Variants in PTPN3 observed in about 807,000 individuals in gnomAD.
PTPN3 encodes tyrosine-protein phosphatase non-receptor type 3.
Under a neutral mutation model 132.7 loss-of-function variants are expected in PTPN3, and 96 were observed. The ratio of observed to expected loss-of-function variants is 0.72; its 90% CI spans 0.61 to 0.86. PTPN3 has a LOEUF of 0.86. Among genes scored for constraint, PTPN3 ranks in the 40% least tolerant of loss-of-function variants. PTPN3 has a pLI of 0.00. For missense variants in PTPN3, 1,125 were observed against 1,159.6 expected (o/e 0.97, Z 0.43); for synonymous variants, 398 against 429.0 (o/e 0.93, Z 0.89).
intron 22 of PTPN3, among the ~76,000 whole-genome samples, chr9:109,384,964 T>G (rs937023479): frequency 6.6e-6 from 1 of 152,110 alleles, no homozygotes; most frequent in Admixed American, 6.5e-5. Context: ...CAAGGCAGAG[T>G]TGACAGACAC....
chr9:109,500,920 T>G (rs1052150323), upstream of PTPN3, among the ~76,000 whole-genome samples: 1 of 148,086 alleles, frequency 6.8e-6, no homozygotes, highest in African/African-American at 2.5e-5. Flanking sequence ...AGAGCGAGAT[T>G]CTGTCTCAAA....
At chr9:109,505,697 C>T in the PTPN3 span, among the ~76,000 whole-genome samples, 3 of 151,908 alleles carry the variant, frequency 2.0e-5, no homozygotes, top group Non-Finnish European at 2.9e-5. Flanking sequence ...TACTAATGGT[C>T]TTCTAGGTAT....
chr9:109,435,779 T>C (rs1564439221), intron 9 of PTPN3, among the ~76,000 whole-genome samples: 1 of 152,076 alleles, frequency 6.6e-6, no homozygotes, highest in African/African-American at 2.4e-5. Flanking sequence ...AAACATTCTA[T>C]CTAAGATAAA....
At chr9:109,381,375 C>T (rs139396254) in intron 25 of PTPN3, among the ~76,000 whole-genome samples, 20 of 152,212 alleles carry the variant, frequency 1.3e-4, no homozygotes, top group East Asian at 3.9e-4. Context: ...TGGGTCGGTG[C>T]GGGGGAGGAT....
chr9:109,527,433 C>T, the PTPN3 span, among the ~76,000 whole-genome samples: 2 of 152,060 alleles, frequency 1.3e-5, no homozygotes, highest in Non-Finnish European at 2.9e-5. Flanking sequence ...TGCACTCCAG[C>T]TTGGATAACG....
chr9:109,510,488 G>A, the PTPN3 span, among the ~76,000 whole-genome samples: 2 of 149,274 alleles, frequency 1.3e-5, no homozygotes, highest in African/African-American at 4.9e-5. Context: ...AACCCCGGAG[G>A]CAGAGGTTGC....
intron 19 of PTPN3, among the ~76,000 whole-genome samples, chr9:109,391,880 G>GGCA (rs1554777661): frequency 3.1e-5 from 2 of 65,198 alleles, no homozygotes; most frequent in African/African-American, 5.6e-5. Context: ...TGGGGGGGGG[G>GGCA]GGGAAGAATT....
intron 1 of PTPN3, among the ~76,000 whole-genome samples, chr9:109,465,210 A>G (rs1846037169): frequency 1.3e-5 from 2 of 152,228 alleles, no homozygotes; most frequent in African/African-American, 4.8e-5. Context: ...GAGGTAGGCA[A>G]AAAGACTGGA....
At chr9:109,394,316 G>A (rs1186267717) in intron 19 of PTPN3, among the ~76,000 whole-genome samples, 1 of 152,092 alleles carries the variant, frequency 6.6e-6, no homozygotes. Flanking sequence ...GAAAAGCACA[G>A]CTACAGAAAA....
At chr9:109,449,091 C>T (rs1462873632) in intron 5 of PTPN3, 5 of 1,353,454 alleles carry the variant, frequency 3.7e-6, no homozygotes, top group Middle Eastern at 2.8e-4. Flanking sequence ...TCTGCCAGCA[C>T]AGGCTGTCCT....
At chr9:109,518,305 A>G in the PTPN3 span, among the ~76,000 whole-genome samples, 9 of 152,326 alleles carry the variant, frequency 5.9e-5, no homozygotes, top group African/African-American at 2.2e-4. Context: ...GAGGTTACAG[A>G]AAAGAACTCA....
intron 4 of PTPN3, among the ~76,000 whole-genome samples, chr9:109,454,961 A>G (rs1168304767): frequency 6.6e-6 from 1 of 152,252 alleles, no homozygotes; most frequent in Non-Finnish European, 1.5e-5. Context: ...AAGCATTTTC[A>G]TGTACATTCC....
chr9:109,435,717 C>T (rs1588422633), intron 9 of PTPN3, among the ~76,000 whole-genome samples: 1 of 152,230 alleles, frequency 6.6e-6, no homozygotes, highest in East Asian at 1.9e-4. Flanking sequence ...GACAGCACAG[C>T]TCAACTCAGG....
intron 5 of PTPN3, chr9:109,451,130 G>A: frequency 1.0e-6 from 1 of 964,400 alleles, no homozygotes; most frequent in South Asian, 4.8e-5. Flanking sequence ...GGTGGTATGT[G>A]CCTATAATCC....
the PTPN3 span, among the ~76,000 whole-genome samples, chr9:109,536,578 G>A: frequency 6.6e-6 from 1 of 152,180 alleles, no homozygotes; most frequent in Non-Finnish European, 1.5e-5. Flanking sequence ...ACGTGGCACA[G>A]GGCTGCAAAA....
chr9:109,381,679 G>T lies in PTPN3; in HGVS notation c.2637C>A (p.Asp879Glu), dbSNP rs1157069163. ...YPLDIVRKMR[D>E]QRAMMVQTSS... ...ATGTCTGCACCATCATGGCGCGCTG[G>T]TCTCGCATTTTTCGGACAATATCCA... Residue 879 changes from aspartate (D) to glutamate (E), a missense_variant, in exon 25 of 26, where the codon GAC becomes GAA. Transcript: ENST00000374541. 6.2e-7 allele frequency: 1 copy of T among 1,614,208 alleles called. No individual in the cohort carries two copies. The highest frequency in any genetic ancestry group is 1.7e-5 in the Admixed American group (1 of 60,026).
intron 1 of PTPN3, among the ~76,000 whole-genome samples, chr9:109,492,398 A>G (rs959990291): frequency 2.0e-5 from 3 of 152,218 alleles, no homozygotes; most frequent in African/African-American, 7.2e-5. Context: ...CAGTCCTGAG[A>G]ACCGGGACCT....
chr9:109,391,318 C>T, intron 20 of PTPN3, 119 bp from the exon 21 acceptor site: 5 of 1,266,322 alleles, frequency 3.9e-6, no homozygotes. Context: ...AAACACTATT[C>T]CCCAACTGTT....
chr9:109,534,477 C>T, the PTPN3 span: 122 of 1,124,220 alleles, frequency 1.1e-4, no homozygotes, highest in Non-Finnish European at 1.4e-4. Context: ...GAACTCTTGG[C>T]TCTTAAAAAG....
Sources: allele counts gnomAD v4.1 joint callset (sites outside exome capture counted in the v4.1 genomes callset), GRCh38; gene constraint gnomAD v4.1.1; transcripts MANE v1.5; gene names NCBI Gene and HGNC (gene_info 2026-07-23, HGNC 2026-07-21).